Variants in PCDHGB1 observed in about 807,000 individuals in gnomAD.
The protein encoded by PCDHGB1 is protocadherin gamma subfamily B, 1.
Under a neutral mutation model 56.6 loss-of-function variants are expected in PCDHGB1, and 34 were observed. That is an observed-to-expected ratio of 0.60 (90% CI 0.46 to 0.80). The LOEUF is 0.80. Ranked by LOEUF, PCDHGB1 falls within the 30% of genes least tolerant of loss-of-function variation. The probability of loss-of-function intolerance (pLI) is 0.00; values close to 1 mark genes in which losing one functional copy is unlikely to be tolerated. For missense variants in PCDHGB1, 1,278 were observed against 1,204.6 expected (o/e 1.06, Z -0.90); for synonymous variants, 561 against 505.9 (o/e 1.11, Z -1.46).
intron 1 of PCDHGB1, chr5:141,383,500 G>T: frequency 6.2e-7 from 1 of 1,613,078 alleles, no homozygotes; most frequent in East Asian, 2.2e-5. Flanking sequence ...GCGGGTGCTG[G>T]ACCGGGAGGA....
chr5:141,404,886 C>T (rs1248535405), intron 1 of PCDHGB1: 2 of 1,613,906 alleles, frequency 1.2e-6, no homozygotes, highest in South Asian at 1.1e-5. Context: ...CTTGTGGTGG[C>T]TGTACAGGAC....
intron 1 of PCDHGB1, chr5:141,360,753 T>G (rs1761729946): frequency 6.2e-7 from 1 of 1,613,848 alleles, no homozygotes; most frequent in Non-Finnish European, 8.5e-7. Context: ...AAGAGCACAG[T>G]TTACATCAAT....
chr5:141,415,067 G>A, intron 1 of PCDHGB1: 1 of 1,613,398 alleles, frequency 6.2e-7, no homozygotes, highest in Non-Finnish European at 8.5e-7. Context: ...GGCGAGGTGC[G>A]CACGGCGCGA....
At chr5:141,375,644 G>T (rs762047740) in intron 1 of PCDHGB1, 5 of 1,614,180 alleles carry the variant, frequency 3.1e-6, no homozygotes, top group Non-Finnish European at 4.2e-6. Context: ...GCGCTCCTTC[G>T]ACTATGAGCA....
At chr5:141,354,497 T>C (rs943322375) in intron 1 of PCDHGB1, among the ~76,000 whole-genome samples, 4 of 152,204 alleles carry the variant, frequency 2.6e-5, no homozygotes, top group South Asian at 2.1e-4. Context: ...GAACAGTAGG[T>C]GAGTTTTTTG....
chr5:141,397,450 A>G (rs1434264337), intron 1 of PCDHGB1, among the ~76,000 whole-genome samples: 1 of 152,258 alleles, frequency 6.6e-6, no homozygotes, highest in Admixed American at 6.5e-5. Context: ...AATATAAAAC[A>G]CTAGAAATAT....
Position 141,485,418 on chromosome 5 carries a change from G to A in PCDHGB1, c.2410-9389G>A. ...CACTTCCGTGTGGATTTGGACAGCG[G>A]AGCCCTGCTCATCAAGAACCCAATC... On this transcript the variant is annotated intron_variant, in intron 1 of 3. Transcript: ENST00000523390. This position sits in a 1 kb window ranked among gnomAD's most constrained non-coding sequence, Gnocchi z 5.7. 6.2e-7 allele frequency: 1 copy of A among 1,614,174 alleles called. No homozygotes were observed. The highest frequency in any genetic ancestry group is 8.5e-7 in the Non-Finnish European group (1 of 1,180,042).
chr5:141,383,273 A>G, intron 1 of PCDHGB1: 1 of 1,613,960 alleles, frequency 6.2e-7, no homozygotes, highest in Non-Finnish European at 8.5e-7. Flanking sequence ...GAAATAATAG[A>G]TATTAATGAC....
In PCDHGB1 at chr5:141,380,448, A is replaced by G. The variant is rs145941690; in HGVS notation, c.2409+27779A>G. Among the ~76,000 whole-genome samples, 6 of 152,354 alleles carry G rather than the reference A, an allele frequency of 3.9e-5. No homozygotes were observed. The East Asian group carries it at 1.2e-3, about 29-fold the overall frequency. ...TAGACTTTACATAGAATTCTTTTTA[A>G]TGCAACCAAACAAATGGTCAGGATT... On this transcript the variant is annotated intron_variant, in intron 1 of 3. Coordinates refer to ENST00000523390, the MANE Select transcript of PCDHGB1 (RefSeq NM_018922.3).
intron 1 of PCDHGB1, chr5:141,372,737 A>G (rs1451601916): frequency 6.2e-7 from 1 of 1,613,388 alleles, no homozygotes; most frequent in African/African-American, 1.3e-5. Context: ...AAGATCTTCT[A>G]TGTGATGAAG....
chr5:141,371,888 G>C (rs1464333099), intron 1 of PCDHGB1: 1 of 1,613,320 alleles, frequency 6.2e-7, no homozygotes, highest in East Asian at 2.2e-5. Context: ...ACCTGGAGCC[G>C]CGGGAGCTGT....
Position 141,431,583 on chromosome 5 carries a change from C to A in PCDHGB1, c.2410-63224C>A, listed in dbSNP as rs771534481. On this transcript the variant is annotated intron_variant, in intron 1 of 3. Transcript: ENST00000523390. The surrounding 1 kb of genome is among the most constrained non-coding windows in gnomAD (Gnocchi z 4.8). ...ACCGACCCTGACGAAGGAGTCAATGCGGAAGTGAGGTATTCCTTCCGGTAT... is the reference window on the plus strand; with the variant it reads ...ACCGACCCTGACGAAGGAGTCAATGAGGAAGTGAGGTATTCCTTCCGGTAT... The A allele has an allele frequency of 1.1e-5, 18 of 1,614,008 alleles. No individual in the cohort carries two copies. In the South Asian group the frequency reaches 1.2e-4, roughly 11 times the overall value.
intron 1 of PCDHGB1, among the ~76,000 whole-genome samples, chr5:141,425,585 A>G (rs1270579511): frequency 6.6e-6 from 1 of 152,252 alleles, no homozygotes; most frequent in African/African-American, 2.4e-5. Flanking sequence ...GGCTAACTTT[A>G]TTCTGAATAT....
At position 141,485,709 on chromosome 5, in the gene PCDHGB1, C is replaced by A. The variant is rs2099618118; in HGVS notation, c.2410-9098C>A. On this transcript the variant is annotated intron_variant, in intron 1 of 3. Transcript: ENST00000523390. This position sits in a 1 kb window ranked among gnomAD's most constrained non-coding sequence, Gnocchi z 5.7. ...AGGCTGAGCTCCAATGAACACTTTGCACTGGATGTGAAGAAGCGCAGCGAC... is the reference window on the plus strand; with the variant it reads ...AGGCTGAGCTCCAATGAACACTTTGAACTGGATGTGAAGAAGCGCAGCGAC... The A allele has an allele frequency of 1.2e-6, 2 of 1,614,128 alleles. No homozygotes were observed. The highest frequency in any genetic ancestry group is 1.7e-6 in the Non-Finnish European group (2 of 1,180,028).
chr5:141,405,005 G>C (rs1358521218), intron 1 of PCDHGB1: 7 of 1,613,830 alleles, frequency 4.3e-6, no homozygotes, highest in African/African-American at 2.7e-5. Context: ...TGCAGACCTG[G>C]AGGCCTCAGA....
intron 1 of PCDHGB1, chr5:141,364,702 C>A: frequency 1.2e-6 from 2 of 1,613,920 alleles, no homozygotes; most frequent in Non-Finnish European, 1.7e-6. Flanking sequence ...TAGAAATAAT[C>A]GATATTAATG....
At position 141,447,667 on chromosome 5, in the gene PCDHGB1, G is replaced by A. The variant is rs115529144; in HGVS notation, c.2410-47140G>A. 2.4e-3 allele frequency among the ~76,000 whole-genome samples: 372 copies of A among 152,278 alleles called. 2 individuals are homozygous for A. Among genetic ancestry groups the A allele is most frequent in the African/African-American group, 8.6e-3 (358 of 41,546 alleles). The stretch of plus-strand genomic sequence containing the variant: ...TAGAATTTTCCCCCCCAGGAAGTTA[G>A]AACTGTTCCATATCTTGATAGAGGG... On this transcript the variant is annotated intron_variant, in intron 1 of 3. Transcript: ENST00000523390.
chr5:141,404,875 C>T, intron 1 of PCDHGB1: 1 of 1,613,904 alleles, frequency 6.2e-7, no homozygotes, highest in Non-Finnish European at 8.5e-7. Flanking sequence ...TCAAACAGAG[C>T]CTTGTGGTGG....
In PCDHGB1 at chr5:141,403,493, A is replaced by G. The variant is rs762825635; in HGVS notation, c.2409+50824A>G. The G allele has an allele frequency of 8.7e-6, 14 of 1,613,886 alleles. No homozygotes were observed. The highest frequency in any genetic ancestry group is 5.0e-5 in the Admixed American group (3 of 59,998). Reference sequence around the variant, plus strand: ...CAGCCCCAATCACCACTTCTCCCTGAACGTGCAGACTGGAGACAATGGAGC... The same window carrying G: ...CAGCCCCAATCACCACTTCTCCCTGGACGTGCAGACTGGAGACAATGGAGC... On this transcript the variant is annotated intron_variant, in intron 1 of 3. Coordinates refer to ENST00000523390, the MANE Select transcript of PCDHGB1 (RefSeq NM_018922.3).
Sources: allele counts gnomAD v4.1 joint callset (sites outside exome capture counted in the v4.1 genomes callset), GRCh38; gene constraint gnomAD v4.1.1; non-coding constraint Gnocchi (gnomAD v3.1); transcripts MANE v1.5; gene names NCBI Gene and HGNC (gene_info 2026-07-23, HGNC 2026-07-21).